PEX5L: variants seen among roughly 807,000 people sequenced by gnomAD.
PEX5L encodes PEX5-related protein.
A neutral mutation model predicts 84.0 loss-of-function variants in PEX5L; 30 were observed. The ratio of observed to expected loss-of-function variants is 0.36; its 90% CI spans 0.27 to 0.48. The LOEUF (loss-of-function observed/expected upper bound fraction) is 0.48, where lower values mean the gene tolerates loss of function less well. Among genes scored for constraint, PEX5L ranks in the 20% least tolerant of loss-of-function variants. PEX5L has a pLI of 0.99. For missense variants in PEX5L, 533 were observed against 754.6 expected, an observed-to-expected ratio of 0.71 and a Z score of 3.44; for synonymous variants, 270 against 283.1, an observed-to-expected ratio of 0.95 and a Z score of 0.46.
At chr3:180,001,059 T>C (rs1220888021) in intron 1 of PEX5L, among the ~76,000 whole-genome samples, 4 of 152,114 alleles carry the variant, frequency 2.6e-5, no homozygotes, top group Admixed American at 2.6e-4. Flanking sequence ...AGACCCACCC[T>C]TAATCTGGGT....
intron 2 of PEX5L, among the ~76,000 whole-genome samples, chr3:179,968,341 A>G (rs1429258949): frequency 1.3e-5 from 2 of 152,160 alleles, no homozygotes; most frequent in Admixed American, 6.6e-5. Context: ...GCACTTGACT[A>G]TCTACTCCCA....
rs544494442 is a variant in PEX5L, at chr3:179,964,083, G to A, written c.93+7511C>T. On this transcript the variant is annotated intron_variant, in intron 2 of 14. Transcript: ENST00000467460. The stretch of plus-strand genomic sequence containing the variant: ...ATTAATTCATTATTTCATTATTCCT[G>A]TGAATAAACTTAATAATCAGGTAAT... Among the ~76,000 whole-genome samples the A allele has an allele frequency of 3.9e-5, 6 of 151,956 alleles. No individual in the cohort carries two copies. In the East Asian group the frequency reaches 5.8e-4, roughly 15 times the overall value.
intron 10 of PEX5L, among the ~76,000 whole-genome samples, chr3:179,812,192 C>T (rs572534588): frequency 3.9e-5 from 6 of 151,966 alleles, no homozygotes; most frequent in Admixed American, 2.0e-4. Context: ...TAAAATTATA[C>T]GATTGTGAGG....
At chr3:179,826,030 T>C (rs1008420629) in intron 8 of PEX5L, among the ~76,000 whole-genome samples, 1 of 152,144 alleles carries the variant, frequency 6.6e-6, no homozygotes, top group African/African-American at 2.4e-5. Flanking sequence ...CTCCAGATGC[T>C]GGCAGGCACC....
chr3:179,913,774 A>G (rs796444995), intron 2 of PEX5L, among the ~76,000 whole-genome samples: 18 of 152,304 alleles, frequency 1.2e-4, no homozygotes, highest in African/African-American at 4.3e-4. Flanking sequence ...TTTTTGCAAG[A>G]ACTTAACTTG....
Position 179,844,083 on chromosome 3 carries a change from C to T in PEX5L, c.822+14979G>A, listed in dbSNP as rs1223243280. Among the ~76,000 whole-genome samples, 4 of 152,224 alleles carry T rather than the reference C, an allele frequency of 2.6e-5. No homozygotes were observed. In the East Asian group the frequency reaches 7.7e-4, roughly 29 times the overall value. The stretch of plus-strand genomic sequence containing the variant: ...GCATCTGCTTCTGCTCATGTGACCA[C>T]TTCACTTCCATTATGCTCCGGATCC... On this transcript the variant is annotated intron_variant, in intron 8 of 14. Coordinates refer to ENST00000467460, the MANE Select transcript of PEX5L (RefSeq NM_016559.3).
chr3:179,917,713 G>T (rs1285035056), intron 2 of PEX5L, among the ~76,000 whole-genome samples: 1 of 152,170 alleles, frequency 6.6e-6, no homozygotes, highest in Non-Finnish European at 1.5e-5. Context: ...AGGCTGGAGT[G>T]CAATGGCATG....
chr3:179,879,656 G>A (rs2108772226), intron 5 of PEX5L, among the ~76,000 whole-genome samples: 1 of 152,100 alleles, frequency 6.6e-6, no homozygotes, highest in East Asian at 1.9e-4. Context: ...ATCTTTATTT[G>A]TAACTTTAGT....
At chr3:179,987,521 G>T (rs1253697996) in intron 1 of PEX5L, among the ~76,000 whole-genome samples, 2 of 152,180 alleles carry the variant, frequency 1.3e-5, no homozygotes, top group Non-Finnish European at 2.9e-5. Flanking sequence ...ATCCAGAAAA[G>T]CTTTATTTTA....
intron 8 of PEX5L, among the ~76,000 whole-genome samples, chr3:179,820,954 C>T (rs781727453): frequency 4.6e-5 from 7 of 152,138 alleles, no homozygotes; most frequent in Non-Finnish European, 7.3e-5. Flanking sequence ...CCCAGGCAAA[C>T]GAGCTTGATA....
At chr3:179,929,737 C>T (rs995529581) in intron 2 of PEX5L, among the ~76,000 whole-genome samples, 7 of 152,180 alleles carry the variant, frequency 4.6e-5, no homozygotes. Flanking sequence ...AAACTGGGAT[C>T]ATGGATAACC....
intron 7 of PEX5L, among the ~76,000 whole-genome samples, chr3:179,860,295 TG>T (rs764379966): frequency 1.3e-5 from 2 of 152,182 alleles, no homozygotes; most frequent in Non-Finnish European, 2.9e-5. Context: ...AGTGAGGCCT[TG>T]GGGAATAGGA....
chr3:179,991,160 T>TA (rs1787343533), intron 1 of PEX5L, among the ~76,000 whole-genome samples: 1 of 152,160 alleles, frequency 6.6e-6, no homozygotes, highest in African/African-American at 2.4e-5. Flanking sequence ...CAAACCGACT[T>TA]ACTGTCTTTA....
intron 1 of PEX5L, among the ~76,000 whole-genome samples, chr3:179,992,863 C>CATGT (rs1359187127): frequency 1.8e-4 from 27 of 150,876 alleles, no homozygotes; most frequent in South Asian, 4.2e-4. Context: ...TGGTTCTTTG[C>CATGT]ATGTATGTAT....
intron 1 of PEX5L, among the ~76,000 whole-genome samples, chr3:180,018,303 T>C (rs879625407): frequency 8.5e-5 from 13 of 152,202 alleles, no homozygotes; most frequent in Non-Finnish European, 1.9e-4. Flanking sequence ...TAGGTCTGTG[T>C]TAACCTTTCT....
At chr3:180,024,218 C>T (rs544964408) in intron 1 of PEX5L, among the ~76,000 whole-genome samples, 95 of 151,572 alleles carry the variant, frequency 6.3e-4, no homozygotes, top group Non-Finnish European at 1.2e-3. Context: ...GGAAGAATCA[C>T]TCCTCCGTAT....
chr3:179,976,543 T>G (rs1026096396), intron 1 of PEX5L, among the ~76,000 whole-genome samples: 11 of 152,166 alleles, frequency 7.2e-5, no homozygotes, highest in Admixed American at 2.0e-4. Context: ...GTTCAAGCGA[T>G]TCTCCTGCCT....
intron 7 of PEX5L, among the ~76,000 whole-genome samples, chr3:179,865,282 T>C (rs1747708674): frequency 6.6e-6 from 1 of 152,174 alleles, no homozygotes; most frequent in Admixed American, 6.6e-5. Flanking sequence ...GTTATCTATG[T>C]CACATTTTGA....
chr3:179,888,733 C>T (rs1303199393), intron 3 of PEX5L, among the ~76,000 whole-genome samples: 1 of 151,762 alleles, frequency 6.6e-6, no homozygotes, highest in African/African-American at 2.4e-5. Context: ...GAAAAAGACA[C>T]ACCTCATAAT....
Sources: allele counts gnomAD v4.1 joint callset (sites outside exome capture counted in the v4.1 genomes callset), GRCh38; gene constraint gnomAD v4.1.1; transcripts MANE v1.5; gene names NCBI Gene and HGNC (gene_info 2026-07-23, HGNC 2026-07-21).